PSME4: variants seen among roughly 807,000 people sequenced by gnomAD.
The protein encoded by PSME4 is proteasome activator subunit 4.
PSME4 carries 89 observed loss-of-function variants against 253.9 expected under a neutral mutation model. The ratio of observed to expected loss-of-function variants is 0.35; its 90% CI spans 0.30 to 0.42. The LOEUF is 0.42. Among genes scored for constraint, PSME4 ranks in the 10% least tolerant of loss-of-function variants. The probability of loss-of-function intolerance (pLI) is 1.00; values close to 1 mark genes in which losing one functional copy is unlikely to be tolerated. For synonymous variants in PSME4, 851 were observed against 759.2 expected, an observed-to-expected ratio of 1.12 and a Z score of -1.99; for missense variants, 2,014 against 2,195.2, an observed-to-expected ratio of 0.92 and a Z score of 1.65.
chr2:53,908,967 A>T lies in PSME4; in HGVS notation c.2573-127T>A, dbSNP rs115759610. On this transcript the variant is annotated intron_variant, in intron 21 of 46. Coordinates refer to ENST00000404125, the MANE Select transcript of PSME4 (RefSeq NM_014614.3). The stretch of plus-strand genomic sequence containing the variant: ...AGAAAAAAATAGGTCTGCCTTTACC[A>T]TAGTTGAATTAATGGCTAGGCATGC... The T allele has an allele frequency of 4.0e-3, 2,509 of 631,336 alleles. 57 individuals are homozygous for T. In the African/African-American group the frequency reaches 0.043, roughly 11 times the overall value. The allele number at this position is 631,336 out of a possible 1,614,324, so 39.1% of individuals were successfully genotyped here.
chr2:53,901,324 TTGAA>T (rs773072681), intron 28 of PSME4, 22 bp downstream of exon 28: 20 of 1,570,904 alleles, frequency 1.3e-5, no homozygotes, highest in Non-Finnish European at 1.7e-5. Context: ...ACACTAAAAC[TTGAA>T]TGAAAGAATG....
intron 41 of PSME4, among the ~76,000 whole-genome samples, chr2:53,882,377 C>T (rs1679433952): frequency 6.6e-6 from 1 of 152,144 alleles, no homozygotes; most frequent in Non-Finnish European, 1.5e-5. Flanking sequence ...TAAACTCTTG[C>T]TATTTGCTAA....
chr2:53,922,989 G>C, intron 16 of PSME4, 60 bp downstream of exon 16: 2 of 1,297,564 alleles, frequency 1.5e-6, no homozygotes, highest in Non-Finnish European at 2.1e-6. Flanking sequence ...CAGAGTTTTA[G>C]AAACCAAGAA....
At chr2:53,945,937 C>A (rs1035197444) in intron 3 of PSME4, among the ~76,000 whole-genome samples, 1 of 152,122 alleles carries the variant, frequency 6.6e-6, no homozygotes, top group Admixed American at 6.5e-5. Flanking sequence ...AATGCTGAGT[C>A]TGTTAAGAGT....
intron 10 of PSME4, among the ~76,000 whole-genome samples, chr2:53,930,755 A>C (rs1426705816): frequency 6.6e-6 from 1 of 152,234 alleles, no homozygotes; most frequent in Non-Finnish European, 1.5e-5. Flanking sequence ...CTCAACAATA[A>C]GTCAGAAAAT....
In PSME4 at chr2:53,904,239, T is replaced by C. The variant is rs1275937969; in HGVS notation, c.2944-83A>G. On this transcript the variant is annotated intron_variant, in intron 26 of 46. Transcript: ENST00000404125. ...TAAAACAAATTATCAAAAACAGTAA[T>C]GATAATTTACATGTTTTTCTCATTA... 9.8e-6 allele frequency: 13 copies of C among 1,328,518 alleles called. No individual in the cohort carries two copies. In the East Asian group the frequency reaches 1.4e-4, roughly 14 times the overall value. 82.3% of individuals were successfully genotyped at this position (1,328,518 alleles called of 1,614,324 possible). A position where few individuals can be genotyped will look rare whatever the true frequency, so the allele number is the denominator to read the frequency against.
Position 53,888,742 on chromosome 2 carries a change from CCTT to C in PSME4, c.4364_4366del (p.Glu1455del), listed in dbSNP as rs1242099086. On this transcript the variant is annotated inframe_deletion, in exon 38 of 47. Coordinates refer to ENST00000404125, the MANE Select transcript of PSME4 (RefSeq NM_014614.3). ...TTACCATGCATCTACAAAGGATCCT[CCTT>C]CACCACTCAATGGTGATTCCAACAG... The C allele has an allele frequency of 1.9e-6, 3 of 1,611,880 alleles. No individual in the cohort carries two copies. Among genetic ancestry groups the C allele is most frequent in the Non-Finnish European group, 2.5e-6 (3 of 1,178,376 alleles).
intron 1 of PSME4, among the ~76,000 whole-genome samples, chr2:53,963,052 C>T (rs191242617): frequency 3.3e-5 from 5 of 151,524 alleles, no homozygotes; most frequent in Admixed American, 2.0e-4. Flanking sequence ...CAGTGGCTCA[C>T]GCATGTAATC....
At chr2:53,896,930 C>A (rs774118835) in intron 31 of PSME4, 45 bp from the exon 32 acceptor site, 30 of 1,391,106 alleles carry the variant, frequency 2.2e-5, no homozygotes, top group Non-Finnish European at 3.1e-5. Context: ...AAGTTTAAAT[C>A]ACTTAACTGG....
chr2:53,906,515 ACTCT>A, intron 26 of PSME4, 79 bp downstream of exon 26: 1 of 1,408,342 alleles, frequency 7.1e-7, no homozygotes, highest in Non-Finnish European at 9.3e-7. Context: ...AATTATTTAA[ACTCT>A]CTTCTTAAAA....
chr2:53,928,358 A>G (rs1668666518), intron 10 of PSME4, 55 bp from the exon 11 acceptor site: 2 of 1,325,088 alleles, frequency 1.5e-6, no homozygotes, highest in Admixed American at 2.0e-5. Context: ...GCATAATACC[A>G]TAATACATTA....
At chr2:53,886,710 A>G (rs1037413546) in intron 40 of PSME4, among the ~76,000 whole-genome samples, 2 of 152,212 alleles carry the variant, frequency 1.3e-5, no homozygotes, top group African/African-American at 4.8e-5. Context: ...TACATACCCT[A>G]AAGAACTGAA....
chr2:53,930,929 C>G (rs1319570083), intron 10 of PSME4, among the ~76,000 whole-genome samples: 5 of 152,132 alleles, frequency 3.3e-5, no homozygotes, highest in African/African-American at 4.8e-5. Context: ...ATCAGAGGTA[C>G]AACAGAAAGC....
At chr2:53,942,075 G>A (rs1669479880) in intron 3 of PSME4, 1 of 152,506 alleles carries the variant, frequency 6.6e-6, no homozygotes, top group Non-Finnish European at 1.5e-5. Context: ...TCTAAATAAA[G>A]TCAATTTCAA....
intron 35 of PSME4, among the ~76,000 whole-genome samples, chr2:53,893,404 C>G (rs1232915092): frequency 6.6e-6 from 1 of 152,074 alleles, no homozygotes; most frequent in Non-Finnish European, 1.5e-5. Flanking sequence ...TATACATCCT[C>G]CTGTATATTT....
intron 41 of PSME4, among the ~76,000 whole-genome samples, chr2:53,882,837 C>T (rs1429161508): frequency 6.6e-6 from 1 of 151,154 alleles, no homozygotes; most frequent in African/African-American, 2.4e-5. Context: ...AGGGAAGCTG[C>T]AGAGCTACTG....
At chr2:53,904,840 T>G (rs1680575124) in intron 26 of PSME4, among the ~76,000 whole-genome samples, 1 of 150,932 alleles carries the variant, frequency 6.6e-6, no homozygotes, top group South Asian at 2.1e-4. Context: ...AATACAAAAT[T>G]AGCCAGGCAT....
Position 53,970,523 on chromosome 2 carries a change from G to A in PSME4, c.242+20C>T. On this transcript the variant is annotated intron_variant, in intron 1 of 46. Coordinates refer to ENST00000404125, the MANE Select transcript of PSME4 (RefSeq NM_014614.3). Reference sequence around the variant, plus strand: ...TGAGCCTTTCCCCCCGGCCCGGCCCGCAGGCCCGGGCACACTTACGTGGAG... The same window carrying A: ...TGAGCCTTTCCCCCCGGCCCGGCCCACAGGCCCGGGCACACTTACGTGGAG... The A allele has an allele frequency of 2.6e-6, 4 of 1,546,358 alleles. No homozygotes were observed. Among genetic ancestry groups the A allele is most frequent in the Non-Finnish European group, 3.5e-6 (4 of 1,146,386 alleles).
At chr2:53,895,562 G>T in intron 33 of PSME4, 21 bp downstream of exon 33, 1 of 1,588,834 alleles carries the variant, frequency 6.3e-7, no homozygotes, top group Admixed American at 1.8e-5. Context: ...TTAATGATAA[G>T]GTGCACAGTA....
Sources: gnomAD v4.1 joint callset for allele counts (sites outside exome capture counted in the v4.1 genomes callset) on GRCh38, gnomAD v4.1.1 for gene constraint, MANE v1.5 for transcripts, NCBI Gene and HGNC (gene_info 2026-07-23, HGNC 2026-07-21) for gene names.